CREBBP: variants seen among roughly 807,000 people sequenced by gnomAD.
CREBBP encodes CREB-binding protein.
A neutral mutation model predicts 265.0 loss-of-function variants in CREBBP; 19 were observed. The observed-to-expected ratio is 0.07, with a 90% CI of 0.05 to 0.11. The LOEUF is 0.11. Among genes scored for constraint, CREBBP ranks in the 10% least tolerant of loss-of-function variants. The pLI is 1.00. For synonymous variants in CREBBP, 1,457 were observed against 1,223.7 expected, an observed-to-expected ratio of 1.19 and a Z score of -3.98; for missense variants, 2,525 against 3,219.0, an observed-to-expected ratio of 0.78 and a Z score of 5.22.
chr16:3,824,536 C>T (rs1187208940), intron 2 of CREBBP, among the ~76,000 whole-genome samples: 2 of 152,220 alleles, frequency 1.3e-5, no homozygotes, highest in Admixed American at 1.3e-4. Context: ...CTCAGAAGAG[C>T]ATCACTCATA....
intron 2 of CREBBP, among the ~76,000 whole-genome samples, chr16:3,827,672 T>C (rs774764810): frequency 6.6e-6 from 1 of 152,142 alleles, no homozygotes. Flanking sequence ...ATTACAGGCA[T>C]AAGCCACCAT....
At chr16:3,806,771 G>GC (rs2141333853) in intron 3 of CREBBP, among the ~76,000 whole-genome samples, 1 of 152,020 alleles carries the variant, frequency 6.6e-6, no homozygotes, top group South Asian at 2.1e-4. Context: ...TCCCTCCAAG[G>GC]CCCCCTGAAA....
chr16:3,731,160 G>C lies in CREBBP; in HGVS notation c.5172+32C>G, dbSNP rs373419582. ...GGATGCTTCGTCAGACCCCAGGCCG[G>C]CTGTGGGGGTGGGGGTGGGGGCAGG... On this transcript the variant is annotated intron_variant, in intron 30 of 30. Coordinates refer to ENST00000262367, the MANE Select transcript of CREBBP (RefSeq NM_004380.3). The surrounding 1 kb of genome is among the most constrained non-coding windows in gnomAD (Gnocchi z 7.7). 10 of 1,601,466 alleles carry C rather than the reference G, an allele frequency of 6.2e-6. No individual in the cohort carries two copies. The Admixed American group carries it at 1.2e-4, about 19-fold the overall frequency.
At chr16:3,871,514 C>G (rs1597087497) in intron 1 of CREBBP, among the ~76,000 whole-genome samples, 1 of 152,186 alleles carries the variant, frequency 6.6e-6, no homozygotes, top group African/African-American at 2.4e-5. Context: ...CCCTAATTAC[C>G]TGATAAATTT....
intron 22 of CREBBP, 147 bp downstream of exon 22, chr16:3,745,130 C>T (rs2052310903): frequency 2.1e-6 from 2 of 939,118 alleles, no homozygotes; most frequent in African/African-American, 1.7e-5. Flanking sequence ...CGGACAAACG[C>T]TTAGAACTTA....
chr16:3,792,886 T>A (rs1255200294), intron 4 of CREBBP, among the ~76,000 whole-genome samples: 1 of 152,234 alleles, frequency 6.6e-6, no homozygotes. Flanking sequence ...TAGTTCCCCA[T>A]GTCACTGCCA....
chr16:3,835,010 T>A (rs2054416001), intron 2 of CREBBP, among the ~76,000 whole-genome samples: 1 of 151,738 alleles, frequency 6.6e-6, no homozygotes, highest in African/African-American at 2.4e-5. Flanking sequence ...TACAAAAAAT[T>A]GGCCGGGCAT....
chr16:3,776,044 G>A (rs1320393136), intron 11 of CREBBP, among the ~76,000 whole-genome samples: 3 of 152,074 alleles, frequency 2.0e-5, no homozygotes, highest in Non-Finnish European at 2.9e-5. Flanking sequence ...AGCCTCCCGC[G>A]TAGCTGGGAT....
At position 3,850,345 on chromosome 16, in the gene CREBBP, C is replaced by T; in HGVS notation, c.750G>A (p.Met250Ile). ...CGGTGTTCAGTCCCGCGTGACCAGT[C>T]ATTTGCGGGGAAACCTGCGTTAGGG... Reference protein sequence around the residue: ...AETLTQVSPQMTGHAGLNTAQ... With the variant: ...AETLTQVSPQITGHAGLNTAQ... Residue 250 changes from methionine (M) to isoleucine (I), a missense_variant, in exon 2 of 31, where the codon ATG (methionine) becomes ATA (isoleucine). Physicochemically the swap from Met to Ile is conservative, Grantham distance 10. Coordinates refer to ENST00000262367, the MANE Select transcript of CREBBP (RefSeq NM_004380.3). The T allele has an allele frequency of 6.2e-7, 1 of 1,614,238 alleles. No individual in the cohort carries two copies. The highest frequency in any genetic ancestry group is 8.5e-7 in the Non-Finnish European group (1 of 1,180,050).
intron 2 of CREBBP, among the ~76,000 whole-genome samples, chr16:3,848,626 T>C (rs1820386069): frequency 6.6e-6 from 1 of 152,144 alleles, no homozygotes; most frequent in South Asian, 2.1e-4. Flanking sequence ...TCAGGAGTCT[T>C]GAGATTAAAA....
chr16:3,823,957 AACACACACACACACAC>A (rs57902688), intron 2 of CREBBP, among the ~76,000 whole-genome samples: 10 of 148,022 alleles, frequency 6.8e-5, no homozygotes, highest in Non-Finnish European at 1.3e-4. Flanking sequence ...AGGCTGTGGC[AACACACACACACACAC>A]ACACACACAC....
rs80142809 is a variant in CREBBP at position 3,735,355 on chromosome 16, G to A, written c.4728+681C>T. On this transcript the variant is annotated intron_variant, in intron 28 of 30. Coordinates refer to ENST00000262367, the MANE Select transcript of CREBBP (RefSeq NM_004380.3). ...ACTGTCTCCTGGGCTGGAGTGCAACGGCGCAATCTAGGCTCACTGCAACCT... is the reference window on the plus strand; with the variant it reads ...ACTGTCTCCTGGGCTGGAGTGCAACAGCGCAATCTAGGCTCACTGCAACCT... Among the ~76,000 whole-genome samples, 1,215 of 152,208 alleles carry A rather than the reference G, an allele frequency of 8.0e-3. 33 individuals carry two copies. In the South Asian group the frequency reaches 0.1, roughly 13 times the overall value.
intron 14 of CREBBP, among the ~76,000 whole-genome samples, chr16:3,770,255 C>T (rs1397204777): frequency 6.6e-6 from 1 of 152,142 alleles, no homozygotes; most frequent in East Asian, 1.9e-4. Flanking sequence ...GATCTTGGCT[C>T]ACTGTAACCT....
rs1214808627 is a variant in CREBBP, at chr16:3,747,669, T to C, written c.3836+1958A>G. On this transcript the variant is annotated intron_variant, in intron 21 of 30. Transcript: ENST00000262367. ...TGTAATATATTTTGAAGTTGAAAAGTAGATATAAATTGGCCGGGCACGGTG... is the reference window on the plus strand; with the variant it reads ...TGTAATATATTTTGAAGTTGAAAAGCAGATATAAATTGGCCGGGCACGGTG... Among the ~76,000 whole-genome samples, 20 of 152,194 alleles carry C rather than the reference T, an allele frequency of 1.3e-4. 1 individual carries two copies. The highest frequency in any genetic ancestry group is 8.8e-5 in the Non-Finnish European group (6 of 68,040).
intron 16 of CREBBP, chr16:3,761,455 A>G (rs973847454): frequency 2.0e-6 from 1 of 494,412 alleles, no homozygotes; most frequent in African/African-American, 2.0e-5. Context: ...GGTGAAAGCA[A>G]AAGTTAAAAG....
At chr16:3,761,586 C>T (rs374116663) in intron 16 of CREBBP, 43 of 518,496 alleles carry the variant, frequency 8.3e-5, no homozygotes, top group South Asian at 2.8e-5. Context: ...GACCAACCTC[C>T]GCAGACACCG....
In CREBBP at chr16:3,879,960, C is replaced by A. The variant is rs763989269; in HGVS notation, c.-44G>T. Reference sequence around the variant, plus strand: ...ACAGCCCCGGGCACGGGCGGCCGGGCCGGCGAGGGCCCGGACGGGGGTCGG... The same window carrying A: ...ACAGCCCCGGGCACGGGCGGCCGGGACGGCGAGGGCCCGGACGGGGGTCGG... On this transcript the variant is annotated 5_prime_UTR_variant, in exon 1 of 31. Coordinates refer to ENST00000262367, the MANE Select transcript of CREBBP (RefSeq NM_004380.3). 1.9e-5 allele frequency: 30 copies of A among 1,569,638 alleles called. No individual in the cohort carries two copies. The Admixed American group carries it at 5.4e-4, about 28-fold the overall frequency.
intron 1 of CREBBP, among the ~76,000 whole-genome samples, chr16:3,871,195 TCACTCACACACACACACA>T (rs1277451407): frequency 5.1e-5 from 4 of 79,110 alleles, no homozygotes; most frequent in Non-Finnish European, 8.1e-5. Context: ...TCTCTCTCTC[TCACTCACACACACACACA>T]CACACACACA....
rs1567259555 is a variant in CREBBP, at chr16:3,727,969, G to A, written c.7078C>T (p.His2360Tyr). 1 of 1,608,036 alleles carries A rather than the reference G, an allele frequency of 6.2e-7. No homozygotes were observed. Among genetic ancestry groups the A allele is most frequent in the Non-Finnish European group, 8.5e-7 (1 of 1,175,658 alleles). ...TGTATCCGTGGTGACGGGCTGGAAT[G>A]TGGAGGCTGGGACTGGGGCCGTGGA... ...QSPRPQSQPPHSSPSPRIQPQ... is the reference protein window; with the variant it reads ...QSPRPQSQPPYSSPSPRIQPQ... The change falls in exon 31 of 31, where the codon CAT becomes TAT. Residue 2360 changes from histidine to tyrosine, a missense_variant. Physicochemically the swap from His to Tyr is moderately conservative, Grantham distance 83. Around this residue, in one of 19 missense-constraint regions of CREBBP, gnomAD observed 473 missense variants for 459.3 expected, o/e 1.03. Coordinates refer to ENST00000262367, the MANE Select transcript of CREBBP (RefSeq NM_004380.3).
Sources: allele counts gnomAD v4.1 joint callset (sites outside exome capture counted in the v4.1 genomes callset), GRCh38; gene constraint gnomAD v4.1.1; regional missense constraint gnomAD v4.1.1; non-coding constraint Gnocchi (gnomAD v3.1); transcripts MANE v1.5; gene names NCBI Gene and HGNC (gene_info 2026-07-23, HGNC 2026-07-21).